Variants in PCDH11X observed in about 807,000 individuals in gnomAD.
PCDH11X encodes the protein protocadherin-11 X-linked.
In PCDH11X, 18 loss-of-function variants were observed where a neutral mutation model predicts 53.3. That is an observed-to-expected ratio of 0.34 (90% CI 0.23 to 0.50). The LOEUF (loss-of-function observed/expected upper bound fraction) is 0.50, where lower values mean the gene tolerates loss of function less well. PCDH11X is among the 20% of genes least tolerant of loss of function. The probability of loss-of-function intolerance (pLI) is 0.98; values close to 1 mark genes in which losing one functional copy is unlikely to be tolerated. For synonymous variants in PCDH11X, 279 were observed against 393.3 expected (o/e 0.71, Z 3.44); for missense variants, 570 against 1,032.4 (o/e 0.55, Z 6.14).
intron 1 of PCDH11X, among the ~76,000 whole-genome samples, chrX:91,783,889 A>C (rs1284938019): frequency 4.5e-5 from 5 of 112,315 alleles, no homozygotes; most frequent in Non-Finnish European, 9.4e-5. Context: ...AATGTGATAA[A>C]TGGTGTAATT....
At chrX:91,995,852 G>T (rs113477329) in intron 6 of PCDH11X, among the ~76,000 whole-genome samples, 8,517 of 95,222 alleles carry the variant, frequency 0.089, 388 homozygotes, top group African/African-American at 0.15. Flanking sequence ...TCTTCTTTTT[G>T]TTTTTTTTTT....
chrX:92,074,724 A>G (rs990698312), intron 6 of PCDH11X, among the ~76,000 whole-genome samples: 21 of 112,383 alleles, frequency 1.9e-4, no homozygotes, highest in Non-Finnish European at 3.2e-4. Context: ...ATATTTTTTC[A>G]CATAATACAC....
intron 9 of PCDH11X, among the ~76,000 whole-genome samples, chrX:92,440,354 G>A (rs1158055661): frequency 9.4e-6 from 1 of 106,343 alleles, no homozygotes; most frequent in Non-Finnish European, 1.9e-5. Context: ...GTTGCCATAT[G>A]TATGTTCATG....
chrX:92,555,155 G>T (rs1426419877), intron 10 of PCDH11X, among the ~76,000 whole-genome samples: 2 of 110,957 alleles, frequency 1.8e-5, no homozygotes, highest in African/African-American at 6.6e-5. Flanking sequence ...GAATCTTAGA[G>T]ATCATCCAGT....
intron 10 of PCDH11X, among the ~76,000 whole-genome samples, chrX:92,616,628 A>T (rs1397507174): frequency 4.5e-5 from 5 of 111,204 alleles, no homozygotes; most frequent in Admixed American, 1.9e-4. Context: ...ATGATTAGGT[A>T]CGTGCTATAG....
chrX:92,421,661 C>T (rs2071970102), intron 9 of PCDH11X, among the ~76,000 whole-genome samples: 1 of 111,770 alleles, frequency 8.9e-6, no homozygotes, highest in Non-Finnish European at 1.9e-5. Context: ...GGTAATTCTA[C>T]TTTAAGTTAT....
intron 7 of PCDH11X, among the ~76,000 whole-genome samples, chrX:92,230,888 G>GGAGAAAAC (rs1478443210): frequency 9.1e-6 from 1 of 110,481 alleles, no homozygotes; most frequent in Non-Finnish European, 1.9e-5. Context: ...CCATACTACA[G>GGAGAAAAC]GAGAAAACGG....
chrX:92,536,110 C>T (rs1473875343), intron 10 of PCDH11X, among the ~76,000 whole-genome samples: 1 of 108,315 alleles, frequency 9.2e-6, no homozygotes, highest in African/African-American at 3.4e-5. Context: ...ATTTTTTTCT[C>T]TGTTTTGTCT....
intron 6 of PCDH11X, among the ~76,000 whole-genome samples, chrX:92,171,631 T>C (rs1287855837): frequency 9.1e-6 from 1 of 110,468 alleles, no homozygotes; most frequent in East Asian, 2.9e-4. Flanking sequence ...GGCTAATTTT[T>C]TGTATTTTAG....
At chrX:92,220,460 A>C (rs1024738451) in intron 7 of PCDH11X, among the ~76,000 whole-genome samples, 5 of 107,606 alleles carry the variant, frequency 4.6e-5, no homozygotes, top group African/African-American at 1.7e-4. Context: ...GCTCACCATC[A>C]CTGGCCATCA....
intron 6 of PCDH11X, among the ~76,000 whole-genome samples, chrX:91,938,688 T>C (rs1291229857): frequency 2.7e-5 from 3 of 110,969 alleles, no homozygotes; most frequent in Non-Finnish European, 5.7e-5. Context: ...CTGGTTCTTA[T>C]ACATGGCTAG....
chrX:91,960,855 C>T (rs1006656683), intron 6 of PCDH11X, among the ~76,000 whole-genome samples: 1 of 111,337 alleles, frequency 9.0e-6, no homozygotes, highest in Non-Finnish European at 1.9e-5. Flanking sequence ...AATCCTTTTG[C>T]CATTGTGTGT....
intron 9 of PCDH11X, among the ~76,000 whole-genome samples, chrX:92,391,008 A>C (rs1166991058): frequency 2.7e-5 from 3 of 109,372 alleles, no homozygotes; most frequent in African/African-American, 9.9e-5. Flanking sequence ...AGTCAATAAA[A>C]TATCCTGTCT....
chrX:92,283,756 A>C (rs2068299023), intron 8 of PCDH11X, among the ~76,000 whole-genome samples: 1 of 111,780 alleles, frequency 8.9e-6, no homozygotes, highest in Non-Finnish European at 1.9e-5. Context: ...ACTTTTCACT[A>C]GCTATAGAGG....
chrX:92,471,054 A>G (rs2073251639), intron 10 of PCDH11X, among the ~76,000 whole-genome samples: 1 of 105,362 alleles, frequency 9.5e-6, no homozygotes, highest in Admixed American at 1.0e-4. Flanking sequence ...AGAAGTCAGC[A>G]GTGAAACCCT....
chrX:92,471,308 G>T (rs1234088945), intron 10 of PCDH11X, among the ~76,000 whole-genome samples: 1 of 107,795 alleles, frequency 9.3e-6, no homozygotes, highest in Non-Finnish European at 1.9e-5. Context: ...TCTCCTCTAT[G>T]TGCCCATGTG....
At chrX:92,033,950 G>A (rs2063091273) in intron 6 of PCDH11X, among the ~76,000 whole-genome samples, 1 of 108,798 alleles carries the variant, frequency 9.2e-6, no homozygotes, top group African/African-American at 3.3e-5. Flanking sequence ...GATATGTTGT[G>A]TTTTTATTAT....
intron 5 of PCDH11X, among the ~76,000 whole-genome samples, chrX:91,856,634 G>C (rs1382490450): frequency 9.1e-6 from 1 of 110,235 alleles, no homozygotes; most frequent in Non-Finnish European, 1.9e-5. Context: ...TCAGTGTGTG[G>C]TGTTCCCCTC....
chrX:92,238,047 C>CT (rs912235246), intron 7 of PCDH11X, among the ~76,000 whole-genome samples: 31 of 111,588 alleles, frequency 2.8e-4, no homozygotes, highest in Non-Finnish European at 4.5e-4. Flanking sequence ...TTAAAAGTGC[C>CT]TTTTCTACAA....
Sources: gnomAD v4.1 joint callset for allele counts (sites outside exome capture counted in the v4.1 genomes callset) on GRCh38, gnomAD v4.1.1 for gene constraint, MANE v1.5 for transcripts, NCBI Gene and HGNC (gene_info 2026-07-23, HGNC 2026-07-21) for gene names.